Variants in HECW2 observed in about 807,000 individuals in gnomAD.
HECW2 encodes HECT, C2 and WW domain containing E3 ubiquitin protein ligase 2.
A neutral mutation model predicts 175.2 loss-of-function variants in HECW2; 61 were observed. The observed-to-expected ratio is 0.35, with a 90% CI of 0.28 to 0.43. HECW2 has a LOEUF of 0.43. HECW2 is among the 20% of genes least tolerant of loss of function. The probability of loss-of-function intolerance (pLI) is 1.00; values close to 1 mark genes in which losing one functional copy is unlikely to be tolerated. For synonymous variants in HECW2, 671 were observed against 731.0 expected (o/e 0.92, Z 1.32); for missense variants, 1,524 against 2,000.5 (o/e 0.76, Z 4.54).
At chr2:196,513,443 G>A (rs770426026) in intron 1 of HECW2, among the ~76,000 whole-genome samples, 4 of 152,158 alleles carry the variant, frequency 2.6e-5, no homozygotes, top group African/African-American at 4.8e-5. Context: ...CAGGGAGGTC[G>A]AGACTGCAGT....
intron 13 of HECW2, among the ~76,000 whole-genome samples, chr2:196,300,127 A>T (rs1690987773): frequency 6.6e-6 from 1 of 151,936 alleles, no homozygotes; most frequent in South Asian, 2.1e-4. Flanking sequence ...AGAAATCAGG[A>T]AATGCAATAT....
intron 1 of HECW2, among the ~76,000 whole-genome samples, chr2:196,523,796 T>G (rs1688516537): frequency 6.6e-6 from 1 of 151,134 alleles, no homozygotes; most frequent in Non-Finnish European, 1.5e-5. Context: ...TTGCGTATAT[T>G]GAACCAGCCT....
chr2:196,226,225 A>AAC (rs753481071), intron 22 of HECW2, among the ~76,000 whole-genome samples: 15 of 151,498 alleles, frequency 9.9e-5, no homozygotes, highest in East Asian at 3.9e-4. Flanking sequence ...ACCTCCCTCC[A>AAC]ACACACACAC....
In HECW2 at chr2:196,254,176, G is replaced by A; in HGVS notation, c.3420-147C>T. On this transcript the variant is annotated intron_variant, in intron 18 of 28. Coordinates refer to ENST00000644978, the MANE Select transcript of HECW2 (RefSeq NM_001348768.2). Reference sequence around the variant, plus strand: ...CCCTTTCTCTTGCAGGTAATTCTTGGTACAAAATGGCTGGCTGTGGTGCTT... The same window carrying A: ...CCCTTTCTCTTGCAGGTAATTCTTGATACAAAATGGCTGGCTGTGGTGCTT... 3.0e-6 allele frequency: 4 copies of A among 1,312,584 alleles called. No individual in the cohort carries two copies. In the East Asian group the frequency reaches 1.1e-4, roughly 36 times the overall value. The allele number at this position is 1,312,584 out of a possible 1,614,324, so 81.3% of individuals were successfully genotyped here. A position where few individuals can be genotyped will look rare whatever the true frequency, so the allele number is the denominator to read the frequency against.
chr2:196,423,519 C>A (rs1476854043), intron 2 of HECW2, among the ~76,000 whole-genome samples: 1 of 152,042 alleles, frequency 6.6e-6, no homozygotes, highest in Non-Finnish European at 1.5e-5. Flanking sequence ...AAGAAATATA[C>A]CTAACAACGC....
intron 14 of HECW2, among the ~76,000 whole-genome samples, chr2:196,284,866 A>ATCC (rs1690324115): frequency 8.8e-6 from 1 of 113,720 alleles, no homozygotes; most frequent in Non-Finnish European, 2.0e-5. Context: ...AAAAAGAAAA[A>ATCC]TATGGAAAAA....
chr2:196,256,097 G>A (rs1244561128), intron 18 of HECW2, among the ~76,000 whole-genome samples: 1 of 151,762 alleles, frequency 6.6e-6, no homozygotes, highest in African/African-American at 2.4e-5. Flanking sequence ...AAATAATTGA[G>A]GACATGAATA....
chr2:196,206,733 G>C (rs534295412), intron 28 of HECW2, among the ~76,000 whole-genome samples: 1 of 152,258 alleles, frequency 6.6e-6, no homozygotes, highest in South Asian at 2.1e-4. Context: ...CCTGTGCTCT[G>C]GGGCAAGCAG....
In HECW2 at chr2:196,427,046, T is replaced by A. The variant is rs114784095; in HGVS notation, c.292+6086A>T. On this transcript the variant is annotated intron_variant, in intron 2 of 28. Transcript: ENST00000644978. The stretch of plus-strand genomic sequence containing the variant: ...ACTGAGAGGTCTACTTAAAGTGTGG[T>A]CCAGAGAAATGCTGGTAAATTATTT... Among the ~76,000 whole-genome samples, 559 of 152,262 alleles carry A rather than the reference T, an allele frequency of 3.7e-3. 7 individuals are homozygous for A. Among genetic ancestry groups the A allele is most frequent in the African/African-American group, 0.013 (533 of 41,560 alleles).
At chr2:196,300,983 T>G (rs1691027913) in intron 13 of HECW2, among the ~76,000 whole-genome samples, 1 of 152,062 alleles carries the variant, frequency 6.6e-6, no homozygotes, top group Admixed American at 6.6e-5. Context: ...CACCTAGGTA[T>G]TAGGCCCAGC....
At chr2:196,528,443 A>G (rs1311356366) in intron 1 of HECW2, among the ~76,000 whole-genome samples, 1 of 152,182 alleles carries the variant, frequency 6.6e-6, no homozygotes, top group Non-Finnish European at 1.5e-5. Context: ...GGCCTCACCT[A>G]TTTAAAACTG....
chr2:196,384,257 G>A (rs547390249), intron 2 of HECW2, among the ~76,000 whole-genome samples: 1 of 152,154 alleles, frequency 6.6e-6, no homozygotes, highest in South Asian at 2.1e-4. Context: ...AATGATTAAG[G>A]CTTGATCCCA....
At chr2:196,320,926 T>C (rs972000314) in intron 7 of HECW2, among the ~76,000 whole-genome samples, 3 of 152,244 alleles carry the variant, frequency 2.0e-5, no homozygotes, top group African/African-American at 4.8e-5. Flanking sequence ...CGTAGGGCAC[T>C]GTGCTATGCC....
intron 2 of HECW2, among the ~76,000 whole-genome samples, chr2:196,354,809 G>A (rs1036750399): frequency 6.6e-6 from 1 of 152,190 alleles, no homozygotes; most frequent in Non-Finnish European, 1.5e-5. Context: ...CCACACTGCT[G>A]ATGTGACATT....
chr2:196,243,844 G>C (rs1380938062), intron 19 of HECW2, among the ~76,000 whole-genome samples: 1 of 152,170 alleles, frequency 6.6e-6, no homozygotes, highest in Non-Finnish European at 1.5e-5. Flanking sequence ...CTTCCAAAGT[G>C]CTGGGATTAC....
chr2:196,403,079 T>C (rs1465426386), intron 2 of HECW2, among the ~76,000 whole-genome samples: 1 of 152,214 alleles, frequency 6.6e-6, no homozygotes, highest in Admixed American at 6.5e-5. Flanking sequence ...GTGCTGGGAT[T>C]ATAGGCATGA....
intron 1 of HECW2, among the ~76,000 whole-genome samples, chr2:196,508,262 A>G (rs958171903): frequency 2.0e-5 from 3 of 152,252 alleles, no homozygotes; most frequent in Admixed American, 1.3e-4. Context: ...AGAAAAGAAC[A>G]GTTAATAAAC....
chr2:196,439,956 T>C (rs1695992471), intron 1 of HECW2, among the ~76,000 whole-genome samples: 1 of 152,072 alleles, frequency 6.6e-6, no homozygotes, highest in Admixed American at 6.6e-5. Flanking sequence ...CACATAGACA[T>C]GATGACAGAT....
At chr2:196,490,658 G>C (rs6705269) in intron 1 of HECW2, among the ~76,000 whole-genome samples, 4,323 of 152,200 alleles carry the variant, frequency 0.028, 217 homozygotes, top group African/African-American at 0.099. Flanking sequence ...GTATATGAAA[G>C]TTCACAGCAG....
Sources: gnomAD v4.1 joint callset for allele counts (sites outside exome capture counted in the v4.1 genomes callset) on GRCh38, gnomAD v4.1.1 for gene constraint, MANE v1.5 for transcripts, NCBI Gene and HGNC (gene_info 2026-07-23, HGNC 2026-07-21) for gene names.